The following KIAA0825 variants were observed in gnomAD, a reference collection of about 807,000 sequenced individuals.
KIAA0825 encodes the protein KIAA0825, also known as uncharacterized protein KIAA0825.
Under a neutral mutation model 147.6 loss-of-function variants are expected in KIAA0825, and 119 were observed. The observed-to-expected ratio is 0.81, with a 90% CI of 0.69 to 0.94. The LOEUF is 0.94. Ranked by LOEUF, KIAA0825 falls within the 40% of genes least tolerant of loss-of-function variation. The pLI, the probability that KIAA0825 is intolerant of heterozygous loss-of-function variation, is 0.00. For missense variants in KIAA0825, 1,381 were observed against 1,472.7 expected (o/e 0.94, Z 1.02); for synonymous variants, 470 against 518.1 (o/e 0.91, Z 1.26).
chr5:94,343,849 G>T (rs191590679), intron 20 of KIAA0825, among the ~76,000 whole-genome samples: 50 of 152,138 alleles, frequency 3.3e-4, no homozygotes, highest in Admixed American at 6.5e-4. Context: ...AGAAAAAATA[G>T]GCAGGAGGCT....
chr5:94,192,822 C>G (rs1770795588), intron 20 of KIAA0825, among the ~76,000 whole-genome samples: 1 of 152,162 alleles, frequency 6.6e-6, no homozygotes, highest in Non-Finnish European at 1.5e-5. Flanking sequence ...AAACCCCCAG[C>G]TCTTTGCCAC....
intron 20 of KIAA0825, among the ~76,000 whole-genome samples, chr5:94,353,040 A>T (rs1015521745): frequency 6.6e-6 from 1 of 152,194 alleles, no homozygotes; most frequent in Admixed American, 6.6e-5. Flanking sequence ...TTACTCATGT[A>T]ACCAAATACA....
At chr5:94,469,738 G>A (rs1398565095) in intron 10 of KIAA0825, among the ~76,000 whole-genome samples, 1 of 151,992 alleles carries the variant, frequency 6.6e-6, no homozygotes, top group East Asian at 1.9e-4. Flanking sequence ...CTCAAATTAA[G>A]TTATTTTTAC....
At chr5:94,543,627 AC>A (rs1773768794) in intron 2 of KIAA0825, among the ~76,000 whole-genome samples, 1 of 152,060 alleles carries the variant, frequency 6.6e-6, no homozygotes. Flanking sequence ...GAATATCATC[AC>A]CCCTATTCAG....
chr5:94,470,575 T>G (rs1464506777), intron 9 of KIAA0825, among the ~76,000 whole-genome samples: 1 of 152,200 alleles, frequency 6.6e-6, no homozygotes. Flanking sequence ...TCATAAACTG[T>G]TTTTTAAAAT....
At chr5:94,357,182 C>T (rs1311210981) in intron 20 of KIAA0825, among the ~76,000 whole-genome samples, 1 of 152,184 alleles carries the variant, frequency 6.6e-6, no homozygotes, top group Non-Finnish European at 1.5e-5. Flanking sequence ...GGTTAAAACG[C>T]ATCTACAGAC....
At chr5:94,411,215 A>C (rs1406388307) in intron 15 of KIAA0825, among the ~76,000 whole-genome samples, 2 of 152,244 alleles carry the variant, frequency 1.3e-5, no homozygotes, top group East Asian at 3.9e-4. Flanking sequence ...TAAATAAAGA[A>C]GCCATTAGAA....
At chr5:94,449,709 G>A (rs1758156949) in intron 13 of KIAA0825, among the ~76,000 whole-genome samples, 1 of 152,204 alleles carries the variant, frequency 6.6e-6, no homozygotes, top group Admixed American at 6.5e-5. Context: ...GAAATCATCT[G>A]TATAGAGGTT....
At chr5:94,385,723 G>A (rs931704517) in intron 19 of KIAA0825, among the ~76,000 whole-genome samples, 1 of 152,080 alleles carries the variant, frequency 6.6e-6, no homozygotes, top group Non-Finnish European at 1.5e-5. Context: ...CAAATAGACC[G>A]GCTTTAAGAT....
chr5:94,272,075 A>G (rs1238466230), intron 20 of KIAA0825, among the ~76,000 whole-genome samples: 1 of 150,278 alleles, frequency 6.7e-6, no homozygotes, highest in Non-Finnish European at 1.5e-5. Flanking sequence ...CAGAATGACA[A>G]ACATTGCATC....
chr5:94,234,141 TG>T (rs1402319146), intron 20 of KIAA0825, among the ~76,000 whole-genome samples: 1 of 151,080 alleles, frequency 6.6e-6, no homozygotes, highest in Non-Finnish European at 1.5e-5. Flanking sequence ...CCGAGGCGGG[TG>T]GATCACGAGG....
At chr5:94,560,205 A>G (rs1777302142) in intron 2 of KIAA0825, among the ~76,000 whole-genome samples, 1 of 152,156 alleles carries the variant, frequency 6.6e-6, no homozygotes, top group South Asian at 2.1e-4. Flanking sequence ...GATAGTATAT[A>G]AGCTCTTATT....
intron 20 of KIAA0825, among the ~76,000 whole-genome samples, chr5:94,287,526 C>G (rs1315314805): frequency 6.6e-6 from 1 of 152,054 alleles, no homozygotes; most frequent in Non-Finnish European, 1.5e-5. Context: ...TTTTTCAAGT[C>G]AGGACTTTCA....
At chr5:94,267,877 A>T (rs1267624859) in intron 20 of KIAA0825, among the ~76,000 whole-genome samples, 1 of 152,094 alleles carries the variant, frequency 6.6e-6, no homozygotes, top group African/African-American at 2.4e-5. Flanking sequence ...TGCAGGTAAC[A>T]TTCATTAGGA....
At chr5:94,284,028 A>T (rs1055598021) in intron 20 of KIAA0825, among the ~76,000 whole-genome samples, 1 of 152,184 alleles carries the variant, frequency 6.6e-6, no homozygotes, top group African/African-American at 2.4e-5. Context: ...ATAGTCACTC[A>T]TCTGGATCTG....
At chr5:94,409,438 C>A (rs1266162028) in intron 15 of KIAA0825, among the ~76,000 whole-genome samples, 1 of 152,078 alleles carries the variant, frequency 6.6e-6, no homozygotes, top group African/African-American at 2.4e-5. Context: ...GTCAAGCAAA[C>A]CATGAAAGTC....
At position 94,577,467 on chromosome 5, in the gene KIAA0825, G is replaced by GT. The variant is rs1312111183; in HGVS notation, c.-2+4965_-2+4966insA. The stretch of plus-strand genomic sequence containing the variant: ...GAAGTGTAGTCCAAAACTAATTTAA[G>GT]CCAAAATACCAGGGACACTTGCTAA... On this transcript the variant is annotated intron_variant, in intron 2 of 20. Transcript: ENST00000682413. Among the ~76,000 whole-genome samples the GT allele has an allele frequency of 2.6e-5, 4 of 152,172 alleles. No homozygotes were observed. The East Asian group carries it at 5.8e-4, about 22-fold the overall frequency.
intron 20 of KIAA0825, among the ~76,000 whole-genome samples, chr5:94,193,524 A>C (rs141760196): frequency 4.3e-4 from 65 of 152,268 alleles, no homozygotes; most frequent in Non-Finnish European, 8.8e-5. Flanking sequence ...TGGCTCTACT[A>C]TCTATTCTCT....
At chr5:94,444,312 C>T (rs996428900) in intron 13 of KIAA0825, among the ~76,000 whole-genome samples, 3 of 152,080 alleles carry the variant, frequency 2.0e-5, no homozygotes, top group Non-Finnish European at 4.4e-5. Context: ...CTCTCCATGC[C>T]AGCAGTCTAT....
Sources: gnomAD v4.1 joint callset for allele counts (sites outside exome capture counted in the v4.1 genomes callset) on GRCh38, gnomAD v4.1.1 for gene constraint, MANE v1.5 for transcripts, NCBI Gene and HGNC (gene_info 2026-07-23, HGNC 2026-07-21) for gene names.